KIF16B: variants seen among roughly 807,000 people sequenced by gnomAD.
KIF16B encodes kinesin-like protein KIF16B.
Under a neutral mutation model 156.3 loss-of-function variants are expected in KIF16B, and 98 were observed. The ratio of observed to expected loss-of-function variants is 0.63; its 90% CI spans 0.53 to 0.74. KIF16B has a LOEUF of 0.74. KIF16B is among the 30% of genes least tolerant of loss of function. KIF16B has a pLI of 0.00. For missense variants in KIF16B, 1,421 were observed against 1,606.5 expected, an observed-to-expected ratio of 0.88 and a Z score of 1.97; for synonymous variants, 564 against 583.7, an observed-to-expected ratio of 0.97 and a Z score of 0.49.
intron 12 of KIF16B, among the ~76,000 whole-genome samples, chr20:16,490,838 T>C (rs1274755015): frequency 6.6e-6 from 1 of 152,194 alleles, no homozygotes; most frequent in African/African-American, 2.4e-5. Context: ...TGTTTCTTGA[T>C]ACTAACCTAA....
At chr20:16,537,542 T>C (rs1228853370) in intron 1 of KIF16B, among the ~76,000 whole-genome samples, 2 of 151,844 alleles carry the variant, frequency 1.3e-5, no homozygotes, top group Non-Finnish European at 2.9e-5. Flanking sequence ...CCTGAAATAT[T>C]AAACAAATGG....
intron 12 of KIF16B, among the ~76,000 whole-genome samples, chr20:16,460,471 T>A (rs1323572588): frequency 6.6e-6 from 1 of 151,856 alleles, no homozygotes; most frequent in Non-Finnish European, 1.5e-5. Flanking sequence ...CTCAAGAGGC[T>A]GAGGTAGGAG....
intron 6 of KIF16B, among the ~76,000 whole-genome samples, chr20:16,509,220 G>A (rs754653300): frequency 5.3e-5 from 8 of 152,082 alleles, no homozygotes; most frequent in Non-Finnish European, 7.4e-5. Flanking sequence ...CATGTACCAC[G>A]ACCAATTTAA....
intron 12 of KIF16B, among the ~76,000 whole-genome samples, chr20:16,493,904 A>T (rs1203303893): frequency 6.6e-6 from 1 of 152,194 alleles, no homozygotes; most frequent in Non-Finnish European, 1.5e-5. Context: ...TAATATTGCC[A>T]CGGGAAATAT....
At chr20:16,346,689 G>A (rs2064240461) in intron 23 of KIF16B, among the ~76,000 whole-genome samples, 1 of 152,192 alleles carries the variant, frequency 6.6e-6, no homozygotes, top group South Asian at 2.1e-4. Flanking sequence ...ACCTCACAGG[G>A]TAGTTTGAAG....
chr20:16,528,448 A>G lies in KIF16B; in HGVS notation c.48-8T>C. ...GCCTCCAAGTCCTTTTCCCTGCAATACAAATAATTCAGTAGTGGTTAGAAG... is the reference window on the plus strand; with the variant it reads ...GCCTCCAAGTCCTTTTCCCTGCAATGCAAATAATTCAGTAGTGGTTAGAAG... On this transcript the variant is annotated splice_region_variant and splice_polypyrimidine_tract_variant and intron_variant, in intron 1 of 25. Coordinates refer to ENST00000354981, the MANE Select transcript of KIF16B (RefSeq NM_024704.5). The G allele has an allele frequency of 1.3e-6, 2 of 1,589,484 alleles. No homozygotes were observed. Among genetic ancestry groups the G allele is most frequent in the Non-Finnish European group, 1.7e-6 (2 of 1,157,496 alleles).
At chr20:16,422,219 C>G (rs959355368) in intron 15 of KIF16B, among the ~76,000 whole-genome samples, 1 of 152,066 alleles carries the variant, frequency 6.6e-6, no homozygotes. Context: ...AGCAAATAAG[C>G]TTTCCTTAAG....
chr20:16,402,362 C>A (rs2065676469), intron 17 of KIF16B, among the ~76,000 whole-genome samples: 1 of 152,156 alleles, frequency 6.6e-6, no homozygotes, highest in East Asian at 1.9e-4. Flanking sequence ...GCAAGCTGAC[C>A]TTCTCAGGAT....
At chr20:16,539,522 AG>A (rs2070112709) in intron 1 of KIF16B, among the ~76,000 whole-genome samples, 1 of 152,142 alleles carries the variant, frequency 6.6e-6, no homozygotes, top group African/African-American at 2.4e-5. Context: ...ACTTCTCGTG[AG>A]ATCTGGCTGT....
chr20:16,484,258 T>C (rs1373664707), intron 12 of KIF16B, among the ~76,000 whole-genome samples: 1 of 152,172 alleles, frequency 6.6e-6, no homozygotes, highest in Non-Finnish European at 1.5e-5. Context: ...CCCTTCAAGA[T>C]GAGAACTGCA....
rs2068756824 is a variant in KIF16B at position 16,505,818 on chromosome 20, T to G, written c.904A>C (p.Lys302Gln). ...LSQDAANTLAKKKQVFVPYRD... is the reference protein window; with the variant it reads ...LSQDAANTLAQKKQVFVPYRD... ...TAAGGCACGAAAACTTGCTTCTTCTTTGCAAGAGTATTTGCAGCATCCTGA... is the reference window on the plus strand; with the variant it reads ...TAAGGCACGAAAACTTGCTTCTTCTGTGCAAGAGTATTTGCAGCATCCTGA... Residue 302 changes from lysine to glutamine, a missense_variant, in exon 9 of 26, where the codon AAG becomes CAG. Lys to Gln is a moderately conservative substitution (Grantham distance 53, BLOSUM62 1). Coordinates refer to ENST00000354981, the MANE Select transcript of KIF16B (RefSeq NM_024704.5). 2 of 1,614,008 alleles carry G rather than the reference T, an allele frequency of 1.2e-6. No homozygotes were observed. Among genetic ancestry groups the G allele is most frequent in the Admixed American group, 3.3e-5 (2 of 60,016 alleles).
intron 25 of KIF16B, among the ~76,000 whole-genome samples, chr20:16,297,697 G>GAA (rs35929179): frequency 9.3e-4 from 97 of 103,886 alleles, no homozygotes; most frequent in East Asian, 5.0e-3. Context: ...CTCCATCTCA[G>GAA]AAAAAAAAAA....
At position 16,515,608 on chromosome 20, in the gene KIF16B, A is replaced by G; in HGVS notation, c.288T>C (p.Ala96=). 1 of 1,613,670 alleles carries G rather than the reference A, an allele frequency of 6.2e-7. No homozygotes were observed. The part of the protein sequence containing the change: ...VVKSAFEGYN[A]CVFAYGQTGS... ...CAGTTTGCCCATATGCAAAGACACA[A>G]GCATTATAACCTTCAAATGCAGACT... The change falls in exon 4 of 26, where the codon GCT becomes GCC. Residue 96 remains alanine, a synonymous_variant. Transcript: ENST00000354981.
rs530636102 is a variant in KIF16B at position 16,507,918 on chromosome 20, C to T, written c.699+40G>A. On this transcript the variant is annotated intron_variant, in intron 7 of 25. Transcript: ENST00000354981. ...GCTGGTGCTAATCAGCAAGTAAAGA[C>T]CTCAGGGATGGAGCCAGCTGGTCCC... is the stretch of plus-strand genomic sequence containing the variant. The T allele has an allele frequency of 2.1e-5, 34 of 1,611,786 alleles. No individual in the cohort carries two copies. The Admixed American group carries it at 3.7e-4, about 17-fold the overall frequency.
intron 1 of KIF16B, among the ~76,000 whole-genome samples, chr20:16,572,848 A>G (rs2122250833): frequency 6.6e-6 from 1 of 151,220 alleles, no homozygotes; most frequent in African/African-American, 2.4e-5. Context: ...AGAACTTCTG[A>G]GTTGGTAGAA....
At chr20:16,424,413 C>T (rs1299629442) in intron 15 of KIF16B, among the ~76,000 whole-genome samples, 2 of 152,056 alleles carry the variant, frequency 1.3e-5, no homozygotes, top group Admixed American at 1.3e-4. Flanking sequence ...TTCTGAGGTA[C>T]CTTCCTGCAA....
chr20:16,419,770 G>C (rs193256606), intron 15 of KIF16B, among the ~76,000 whole-genome samples: 6 of 152,046 alleles, frequency 3.9e-5, no homozygotes, highest in Non-Finnish European at 7.4e-5. Context: ...TAAAATAAGA[G>C]AGAATAGCTC....
chr20:16,328,810 TGGCAGGAGGTGGG>T (rs1180073699), intron 24 of KIF16B, among the ~76,000 whole-genome samples: 1 of 152,112 alleles, frequency 6.6e-6, no homozygotes, highest in Non-Finnish European at 1.5e-5. Context: ...TGTTCTCACA[TGGCAGGAGGTGGG>T]GGCAAGCTCC....
intron 25 of KIF16B, among the ~76,000 whole-genome samples, chr20:16,304,952 G>A (rs896320080): frequency 2.6e-5 from 4 of 152,156 alleles, no homozygotes; most frequent in Non-Finnish European, 5.9e-5. Flanking sequence ...CCAGAAAGGT[G>A]ACTGCTGGCC....
Sources: gnomAD v4.1 joint callset for allele counts (sites outside exome capture counted in the v4.1 genomes callset) on GRCh38, gnomAD v4.1.1 for gene constraint, MANE v1.5 for transcripts, NCBI Gene and HGNC (gene_info 2026-07-23, HGNC 2026-07-21) for gene names.